Variants in DYNLT2 observed in about 807,000 individuals in gnomAD.
DYNLT2 encodes the protein dynein light chain Tctex-type protein 2.
In DYNLT2, 24 loss-of-function variants were observed where a neutral mutation model predicts 24.3. The observed-to-expected ratio is 0.99, with a 90% CI of 0.71 to 1.39. The LOEUF (loss-of-function observed/expected upper bound fraction) is 1.39. DYNLT2 is among the 40% of genes most tolerant of loss of function. The pLI, the probability that DYNLT2 is intolerant of heterozygous loss-of-function variation, is 0.00. For missense variants in DYNLT2, 246 were observed against 234.5 expected, an observed-to-expected ratio of 1.05 and a Z score of -0.32; for synonymous variants, 85 against 85.4, an observed-to-expected ratio of 1.00 and a Z score of 0.03.
downstream of DYNLT2, among the ~76,000 whole-genome samples, chr6:169,737,065 G>A (rs147114274): frequency 4.7e-4 from 72 of 152,056 alleles, no homozygotes; most frequent in African/African-American, 1.7e-3. Context: ...CAGTAAGGTG[G>A]TCTTCAAACT....
the DYNLT2 span, among the ~76,000 whole-genome samples, chr6:169,729,256 T>C: frequency 1.3e-5 from 2 of 152,248 alleles, no homozygotes; most frequent in African/African-American, 4.8e-5. Flanking sequence ...TTGTTTTTTC[T>C]ACTTACTGAA....
intron 1 of DYNLT2, among the ~76,000 whole-genome samples, chr6:169,746,390 A>G (rs1789801038): frequency 6.6e-6 from 1 of 151,860 alleles, no homozygotes; most frequent in Non-Finnish European, 1.5e-5. Flanking sequence ...CTTCCAACCC[A>G]TTTTTGCTGC....
downstream of DYNLT2, among the ~76,000 whole-genome samples, chr6:169,738,097 C>T (rs1789598747): frequency 6.6e-6 from 1 of 152,230 alleles, no homozygotes; most frequent in South Asian, 2.1e-4. Flanking sequence ...ACTGCCACAG[C>T]TGGTGTGTTG....
downstream of DYNLT2, among the ~76,000 whole-genome samples, chr6:169,737,224 A>G (rs1184532215): frequency 3.3e-5 from 5 of 152,080 alleles, no homozygotes; most frequent in Non-Finnish European, 7.4e-5. Context: ...CTAACTTTTT[A>G]TGAAGGTTCT....
At chr6:169,729,614 C>T in the DYNLT2 span, among the ~76,000 whole-genome samples, 3 of 152,164 alleles carry the variant, frequency 2.0e-5, no homozygotes, top group African/African-American at 7.2e-5. Flanking sequence ...TGTGCCTTAC[C>T]TGCAAATTCA....
intron 1 of DYNLT2, among the ~76,000 whole-genome samples, chr6:169,748,035 G>C (rs761484433): frequency 2.0e-5 from 3 of 152,132 alleles, no homozygotes; most frequent in Non-Finnish European, 4.4e-5. Context: ...GTCTTAGCAC[G>C]CTAACCAAAG....
chr6:169,732,235 T>C, the DYNLT2 span, among the ~76,000 whole-genome samples: 929 of 152,342 alleles, frequency 6.1e-3, 4 homozygotes, highest in East Asian at 0.033. Flanking sequence ...TGTTCTGATA[T>C]ATAGTTGCCA....
At chr6:169,740,684 TGAA>T (rs1238498642) in intron 3 of DYNLT2, among the ~76,000 whole-genome samples, 3 of 152,160 alleles carry the variant, frequency 2.0e-5, no homozygotes, top group Non-Finnish European at 1.5e-5. Flanking sequence ...TGCCTTGAAA[TGAA>T]GAAATGGCAG....
At chr6:169,730,646 G>C in the DYNLT2 span, among the ~76,000 whole-genome samples, 1 of 152,196 alleles carries the variant, frequency 6.6e-6, no homozygotes, top group African/African-American at 2.4e-5. Context: ...TGTAATCCCA[G>C]CACTTTGGGA....
chr6:169,751,405 CTGG>C lies in DYNLT2; in HGVS notation c.51_53del (p.Asn17_Gln18delinsLys). 6.2e-7 allele frequency: 1 copy of C among 1,614,134 alleles called. No homozygotes were observed. The highest frequency in any genetic ancestry group is 8.5e-7 in the Non-Finnish European group (1 of 1,180,002). On this transcript the variant is annotated inframe_deletion, in exon 1 of 4. Coordinates refer to ENST00000366774, the MANE Select transcript of DYNLT2 (RefSeq NM_174910.3). ...GCGTCACCGGAGCCTGCTGAGGGGT[CTGG>C]TTCGGGGTCTGGATGGGGCTCGACT... is the stretch of plus-strand genomic sequence containing the variant.
chr6:169,725,136 T>C, the DYNLT2 span: 1 of 398,704 alleles, frequency 2.5e-6, no homozygotes, highest in Non-Finnish European at 4.4e-6. Flanking sequence ...ACCAGGGCAC[T>C]TGTAGGACCG....
chr6:169,730,933 C>T, the DYNLT2 span, among the ~76,000 whole-genome samples: 1 of 152,104 alleles, frequency 6.6e-6, no homozygotes, highest in East Asian at 1.9e-4. Context: ...TATCTGAATA[C>T]TTAGCATGAT....
At chr6:169,728,088 G>A in the DYNLT2 span, among the ~76,000 whole-genome samples, 1,367 of 152,276 alleles carry the variant, frequency 9.0e-3, 17 homozygotes, top group African/African-American at 0.031. Flanking sequence ...CAGGTTCTCA[G>A]TCAAGTTTAC....
chr6:169,740,489 G>A (rs536564681), intron 3 of DYNLT2, among the ~76,000 whole-genome samples, 194 bp from the exon 4 acceptor site: 49 of 152,112 alleles, frequency 3.2e-4, no homozygotes, highest in African/African-American at 8.0e-4. Flanking sequence ...CTTCTTTACC[G>A]GAGGCTGGCC....
chr6:169,745,669 G>C (rs1404118765), intron 1 of DYNLT2, among the ~76,000 whole-genome samples: 1 of 152,104 alleles, frequency 6.6e-6, no homozygotes, highest in Non-Finnish European at 1.5e-5. Flanking sequence ...GCTGAATTCA[G>C]TTTGCTAGTA....
intron 1 of DYNLT2, among the ~76,000 whole-genome samples, chr6:169,747,325 T>C (rs1390321422): frequency 6.6e-6 from 1 of 152,132 alleles, no homozygotes; most frequent in Admixed American, 6.5e-5. Context: ...TCACTGAGCC[T>C]CTTAGATTTG....
the DYNLT2 span, chr6:169,725,128 C>G: frequency 2.1e-3 from 842 of 398,688 alleles, 8 homozygotes; most frequent in African/African-American, 0.015. Context: ...CGGGCTGCAC[C>G]AGGGCACTTG....
At chr6:169,749,743 T>C (rs1789905363) in intron 1 of DYNLT2, 2 of 152,196 alleles carry the variant, frequency 1.3e-5, no homozygotes, top group African/African-American at 4.8e-5. Flanking sequence ...CAAAGCTCTA[T>C]ACAATTGCAG....
At chr6:169,739,783 T>C (rs530984292), downstream of DYNLT2, among the ~76,000 whole-genome samples, 8 of 152,308 alleles carry the variant, frequency 5.3e-5, no homozygotes, top group African/African-American at 1.9e-4. Context: ...AAAATATCAT[T>C]AGAAATTTCC....
Sources: gnomAD v4.1 joint callset for allele counts (sites outside exome capture counted in the v4.1 genomes callset) on GRCh38, gnomAD v4.1.1 for gene constraint, MANE v1.5 for transcripts, NCBI Gene and HGNC (gene_info 2026-07-23, HGNC 2026-07-21) for gene names.